SLC29A1: variants seen among roughly 807,000 people sequenced by gnomAD.
SLC29A1 encodes the protein solute carrier family 29 member 1 (Augustine blood group), also known as equilibrative nucleoside transporter 1.
In SLC29A1, 22 loss-of-function variants were observed where a neutral mutation model predicts 48.3. The ratio of observed to expected loss-of-function variants is 0.46; its 90% confidence interval spans 0.33 to 0.65. The LOEUF is 0.65. SLC29A1 is among the 30% of genes least tolerant of loss of function. SLC29A1 has a pLI of 0.03. For synonymous variants in SLC29A1, 228 were observed against 231.0 expected (o/e 0.99, Z 0.12); for missense variants, 491 against 575.3 (o/e 0.85, Z 1.50).
In SLC29A1 at chr6:44,232,037, A is replaced by C. The variant is rs764726774; in HGVS notation, c.904A>C (p.Ile302Leu). ...LAFSVCFIFT[I>L]TIGMFPAVTV... ...TTTCTCTGTCTGCTTCATCTTCACTATCACCATTGGGATGTTTCCAGCCGT... is the reference window on the plus strand; with the variant it reads ...TTTCTCTGTCTGCTTCATCTTCACTCTCACCATTGGGATGTTTCCAGCCGT... The change falls in exon 10 of 13, where the codon ATC becomes CTC. Residue 302 changes from isoleucine to leucine, a missense_variant. Physicochemically the swap from Ile to Leu is conservative, Grantham distance 5. Transcript: ENST00000371755. This position sits in a 1 kb window ranked among gnomAD's most constrained non-coding sequence, Gnocchi z 4.7. The C allele has an allele frequency of 6.2e-7, 1 of 1,613,928 alleles. No homozygotes were observed. Among genetic ancestry groups the C allele is most frequent in the Admixed American group, 1.7e-5 (1 of 60,014 alleles).
In SLC29A1 at chr6:44,232,615, G is replaced by C; in HGVS notation, c.1059+187G>C. The C allele has an allele frequency of 1.6e-6, 1 of 643,972 alleles. No homozygotes were observed. Among genetic ancestry groups the C allele is most frequent in the East Asian group, 2.7e-5 (1 of 36,916 alleles). 39.9% of individuals were successfully genotyped at this position (643,972 alleles called of 1,614,324 possible). A position where few individuals can be genotyped will look rare whatever the true frequency, so the allele number is the denominator to read the frequency against. On this transcript the variant is annotated intron_variant, in intron 11 of 12. Coordinates refer to ENST00000371755, the MANE Select transcript of SLC29A1 (RefSeq NM_001372327.1). This position sits in a 1 kb window ranked among gnomAD's most constrained non-coding sequence, Gnocchi z 4.7. The stretch of plus-strand genomic sequence containing the variant: ...TGAATATATGTATATACACATACCT[G>C]CCCAGATCGAGATGTAGAATATTTC...
chr6:44,229,585 G>A lies in SLC29A1; in HGVS notation c.112-4G>A. ...TTCAACACTCCTCTCTGCAACCCCT[G>A]CAGTATTTCACAAACCGCCTGGACA... is the stretch of plus-strand genomic sequence containing the variant. On this transcript the variant is annotated splice_polypyrimidine_tract_variant and splice_region_variant and intron_variant, in intron 3 of 12. Coordinates refer to ENST00000371755, the MANE Select transcript of SLC29A1 (RefSeq NM_001372327.1). The surrounding 1 kb of genome is among the most constrained non-coding windows in gnomAD (Gnocchi z 5.1). 1 of 1,613,974 alleles carries A rather than the reference G, an allele frequency of 6.2e-7. No individual in the cohort carries two copies. The highest frequency in any genetic ancestry group is 8.5e-7 in the Non-Finnish European group (1 of 1,179,902).
Position 44,233,411 on chromosome 6 carries a change from G to A in SLC29A1, c.1260-6G>A, listed in dbSNP as rs780687335. 2.9e-5 allele frequency: 47 copies of A among 1,611,880 alleles called. No individual in the cohort carries two copies. Among genetic ancestry groups the A allele is most frequent in the Non-Finnish European group, 3.4e-5 (40 of 1,178,164 alleles). On this transcript the variant is annotated splice_polypyrimidine_tract_variant and splice_region_variant and intron_variant, in intron 12 of 12. Transcript: ENST00000371755. Reference sequence around the variant, plus strand: ...GAGGTAGCCTTGCCCTTCCTTCCCCGCTTAGGAAAGTGAAGCCAGCTGAGG... The same window carrying A: ...GAGGTAGCCTTGCCCTTCCTTCCCCACTTAGGAAAGTGAAGCCAGCTGAGG...
chr6:44,223,656 CG>C lies in SLC29A1; in HGVS notation c.-52+19del. The stretch of plus-strand genomic sequence containing the variant: ...TTCTGCGGCAGGTGCTGCCCGGGGC[CG>C]GGGACTGGGGACTGGGGACTGCCGG... On this transcript the variant is annotated intron_variant, in intron 1 of 12. Coordinates refer to ENST00000371755, the MANE Select transcript of SLC29A1 (RefSeq NM_001372327.1). This position sits in a 1 kb window ranked among gnomAD's most constrained non-coding sequence, Gnocchi z 5.0. 7.5e-6 allele frequency: 9 copies of C among 1,197,924 alleles called. No homozygotes were observed. The highest frequency in any genetic ancestry group is 3.1e-5 in the Admixed American group (1 of 32,776). The allele number at this position is 1,197,924 out of a possible 1,614,324, so 74.2% of individuals were successfully genotyped here.
At chr6:44,233,180 C>T (rs1350478864) in intron 12 of SLC29A1, among the ~76,000 whole-genome samples, 174 bp downstream of exon 12, 1 of 152,026 alleles carries the variant, frequency 6.6e-6, no homozygotes, top group African/African-American at 2.4e-5. Context: ...GAGGGGGGCG[C>T]CAAGCTTACT....
At chr6:44,220,832 A>C (rs368065599), upstream of SLC29A1, among the ~76,000 whole-genome samples, 1 of 99,520 alleles carries the variant, frequency 1.0e-5, no homozygotes, top group African/African-American at 4.3e-5. Context: ...CTTAAAGAAA[A>C]GAAAAAAAAA....
intron 1 of SLC29A1, chr6:44,226,034 C>T (rs1018982246): frequency 1.1e-6 from 1 of 883,710 alleles, no homozygotes; most frequent in African/African-American, 1.8e-5. Flanking sequence ...CCCTGTGCCA[C>T]CTTTTTCATT....
intron 12 of SLC29A1, 28 bp from the exon 13 acceptor site, chr6:44,233,389 G>A: frequency 3.8e-6 from 6 of 1,580,680 alleles, no homozygotes; most frequent in Middle Eastern, 1.7e-4. Flanking sequence ...CCATTCTGAG[G>A]TAGCCTTGCC....
At chr6:44,231,613 G>A in intron 9 of SLC29A1, 152 bp downstream of exon 9, 2 of 631,622 alleles carry the variant, frequency 3.2e-6, no homozygotes, top group Middle Eastern at 3.3e-4. Flanking sequence ...ATGCGTGCGT[G>A]CCGGGGGTGG....
rs762591658 is a variant in SLC29A1, at chr6:44,232,302, C to T, written c.974-41C>T. 9 of 1,422,428 alleles carry T rather than the reference C, an allele frequency of 6.3e-6. No homozygotes were observed. In the South Asian group the frequency reaches 1.0e-4, roughly 16 times the overall value. The allele number at this position is 1,422,428 out of a possible 1,614,324, so 88.1% of individuals were successfully genotyped here. On this transcript the variant is annotated intron_variant, in intron 10 of 12. Coordinates refer to ENST00000371755, the MANE Select transcript of SLC29A1 (RefSeq NM_001372327.1). This position sits in a 1 kb window ranked among gnomAD's most constrained non-coding sequence, Gnocchi z 4.7. The stretch of plus-strand genomic sequence containing the variant: ...TGAAGGTTAGGCTTGCTATACCTGC[C>T]TCTGTGAGCCTGATAACCACCCGTT...
intron 7 of SLC29A1, 49 bp from the exon 8 acceptor site, chr6:44,230,762 T>C: frequency 6.3e-7 from 1 of 1,583,120 alleles, no homozygotes; most frequent in Non-Finnish European, 8.7e-7. Context: ...GCCGGGATTC[T>C]GGAGATTCTG....
upstream of SLC29A1, among the ~76,000 whole-genome samples, chr6:44,222,379 T>G (rs780121542): frequency 1.3e-5 from 2 of 152,106 alleles, no homozygotes; most frequent in Non-Finnish European, 2.9e-5. Flanking sequence ...CTGACCCTAA[T>G]TAGAAAAGCC....
Position 44,233,602 on chromosome 6 carries a change from C to T in SLC29A1, c.*74C>T. On this transcript the variant is annotated 3_prime_UTR_variant, in exon 13 of 13. Transcript: ENST00000371755. ...GCCCCTTCCTTCTGCCAGGGGTGATCCTGAGTGGTCTGGCGGTTTTTTCTT... is the reference window on the plus strand; with the variant it reads ...GCCCCTTCCTTCTGCCAGGGGTGATTCTGAGTGGTCTGGCGGTTTTTTCTT... 8.1e-7 allele frequency: 1 copy of T among 1,232,830 alleles called. No individual in the cohort carries two copies. Among genetic ancestry groups the T allele is most frequent in the Non-Finnish European group, 1.2e-6 (1 of 838,262 alleles). 76.4% of individuals were successfully genotyped at this position (1,232,830 alleles called of 1,614,324 possible). A position where few individuals can be genotyped will look rare whatever the true frequency, so the allele number is the denominator to read the frequency against.
intron 8 of SLC29A1, 130 bp downstream of exon 8, chr6:44,231,019 C>T (rs1778735478): frequency 1.3e-6 from 1 of 750,868 alleles, no homozygotes; most frequent in East Asian, 2.5e-5. Flanking sequence ...TGAAGGACTA[C>T]AGCAGGGAGA....
intron 1 of SLC29A1, among the ~76,000 whole-genome samples, chr6:44,224,883 A>C (rs955885183): frequency 1.3e-5 from 2 of 152,190 alleles, no homozygotes; most frequent in Non-Finnish European, 2.9e-5. Context: ...AGACAAAAGC[A>C]AAACACGAAG....
upstream of SLC29A1, chr6:44,223,538 G>T (rs1388114776): frequency 5.1e-6 from 6 of 1,170,712 alleles, no homozygotes; most frequent in African/African-American, 1.6e-5. This position sits in a 1 kb window ranked among gnomAD's most constrained non-coding sequence, Gnocchi z 5.0. Flanking sequence ...GGCGCAGGGC[G>T]GGGCGAGCTC....
chr6:44,230,577 A>T lies in SLC29A1; in HGVS notation c.599A>T (p.Glu200Val). 1 of 1,614,022 alleles carries T rather than the reference A, an allele frequency of 6.2e-7. No homozygotes were observed. Among genetic ancestry groups the T allele is most frequent in the Non-Finnish European group, 8.5e-7 (1 of 1,179,988 alleles). The change falls in exon 7 of 13, where the codon GAG (glutamate) becomes GTG (valine). Residue 200 changes from glutamate to valine, a missense_variant. Transcript: ENST00000371755. ...ACTGACACCACCCCAGGTGGCTCGG[A>T]GCTATCAGAAAGTGCCTTCGGCTAC... ...AMICAIASGS[E>V]LSESAFGYFI...
rs557080028 is a variant in SLC29A1, at chr6:44,226,762, T to C, written c.-51-501T>C. 3.0e-4 allele frequency: 304 copies of C among 999,952 alleles called. 1 individual carries two copies. Among genetic ancestry groups the C allele is most frequent in the Middle Eastern group, 5.1e-4 (1 of 1,950 alleles). The allele number at this position is 999,952 out of a possible 1,614,324, so 61.9% of individuals were successfully genotyped here. A position where few individuals can be genotyped will look rare whatever the true frequency, so the allele number is the denominator to read the frequency against. On this transcript the variant is annotated intron_variant, in intron 1 of 12. Transcript: ENST00000371755. ...CTGGTTTGACCTCAGTCATCATCGA[T>C]GTTGTCGCAGCTGCTGCAGATCTGC...
chr6:44,222,209 C>T (rs1776514623), upstream of SLC29A1, among the ~76,000 whole-genome samples: 2 of 150,392 alleles, frequency 1.3e-5, no homozygotes, highest in South Asian at 4.2e-4. Flanking sequence ...GGAAAAATAC[C>T]ACCTAAACCC....
Sources: allele counts gnomAD v4.1 joint callset (sites outside exome capture counted in the v4.1 genomes callset), GRCh38; gene constraint gnomAD v4.1.1; non-coding constraint Gnocchi (gnomAD v3.1); transcripts MANE v1.5; gene names NCBI Gene and HGNC (gene_info 2026-07-23, HGNC 2026-07-21).